PCNX2: variants seen among roughly 807,000 people sequenced by gnomAD.
PCNX2 encodes the protein pecanex-like protein 2.
In PCNX2, 168 loss-of-function variants were observed where a neutral mutation model predicts 223.8. The ratio of observed to expected loss-of-function variants is 0.75; its 90% CI spans 0.66 to 0.85. The LOEUF is 0.85. PCNX2 is among the 40% of genes least tolerant of loss of function. The pLI is 0.00. For missense variants in PCNX2, 2,507 were observed against 2,675.5 expected, an observed-to-expected ratio of 0.94 and a Z score of 1.39; for synonymous variants, 1,006 against 1,052.6, an observed-to-expected ratio of 0.96 and a Z score of 0.86.
intron 17 of PCNX2, among the ~76,000 whole-genome samples, chr1:233,176,728 T>G (rs2002476): frequency 0.059 from 8,924 of 152,228 alleles, 514 homozygotes; most frequent in East Asian, 0.31. Context: ...ATCAAGATGC[T>G]CTAGGCTGGG....
chr1:233,003,992 G>C (rs1670186996), intron 28 of PCNX2, among the ~76,000 whole-genome samples: 1 of 152,078 alleles, frequency 6.6e-6, no homozygotes, highest in Non-Finnish European at 1.5e-5. Flanking sequence ...TCACACACCG[G>C]GGCCTGTTGG....
At position 233,149,381 on chromosome 1, in the gene PCNX2, C is replaced by T. The variant is rs139274095; in HGVS notation, c.3518-9526G>A. Among the ~76,000 whole-genome samples, 264 of 152,268 alleles carry T rather than the reference C, an allele frequency of 1.7e-3. 1 individual carries two copies. The highest frequency in any genetic ancestry group is 6.1e-3 in the African/African-American group (253 of 41,562). On this transcript the variant is annotated intron_variant, in intron 19 of 33. Transcript: ENST00000258229. Reference sequence around the variant, plus strand: ...TTCAGCTTTAGAAAGAAAATCTTCACCAATTCAAACCTTGAATTAGGATTT... The same window carrying T: ...TTCAGCTTTAGAAAGAAAATCTTCATCAATTCAAACCTTGAATTAGGATTT...
intron 1 of PCNX2, chr1:233,290,899 C>T: frequency 1.0e-6 from 1 of 985,406 alleles, no homozygotes; most frequent in Non-Finnish European, 1.2e-6. Context: ...ACATATATGC[C>T]AGGCCTGGAA....
intron 25 of PCNX2, among the ~76,000 whole-genome samples, chr1:233,029,290 T>A (rs1005430559): frequency 4.6e-5 from 7 of 152,220 alleles, no homozygotes; most frequent in African/African-American, 1.7e-4. Flanking sequence ...CAATTTCATA[T>A]GAGTCCTCCA....
chr1:233,269,908 C>G (rs1389550571), intron 1 of PCNX2, among the ~76,000 whole-genome samples: 1 of 152,210 alleles, frequency 6.6e-6, no homozygotes, highest in Admixed American at 6.5e-5. Flanking sequence ...AGTTCTACAA[C>G]TATTTGAAAA....
chr1:233,136,221 T>C (rs1676793261), intron 20 of PCNX2, among the ~76,000 whole-genome samples: 1 of 152,112 alleles, frequency 6.6e-6, no homozygotes, highest in African/African-American at 2.4e-5. Context: ...GGTGGGAAAA[T>C]TTCTAGAAAA....
At chr1:233,309,624 T>C in the PCNX2 span, among the ~76,000 whole-genome samples, 1 of 151,876 alleles carries the variant, frequency 6.6e-6, no homozygotes, top group Non-Finnish European at 1.5e-5. Context: ...ATGCCTGTAA[T>C]CCTGGCACTT....
rs1240764653 is a variant in PCNX2, at chr1:233,262,302, G to T, written c.360-137C>A. 11 of 1,116,516 alleles carry T rather than the reference G, an allele frequency of 9.9e-6. No individual in the cohort carries two copies. In the South Asian group the frequency reaches 1.2e-4, roughly 12 times the overall value. The allele number at this position is 1,116,516 out of a possible 1,614,324, so 69.2% of individuals were successfully genotyped here. A position where few individuals can be genotyped will look rare whatever the true frequency, so the allele number is the denominator to read the frequency against. ...CCTTACATATAAATCTTTTTTTGTTGTTGTTAAGAGACAGGGCTTCGCTCT... is the reference window on the plus strand; with the variant it reads ...CCTTACATATAAATCTTTTTTTGTTTTTGTTAAGAGACAGGGCTTCGCTCT... On this transcript the variant is annotated intron_variant, in intron 2 of 33. Transcript: ENST00000258229.
At chr1:233,192,616 A>C (rs989330260) in intron 15 of PCNX2, among the ~76,000 whole-genome samples, 3 of 150,852 alleles carry the variant, frequency 2.0e-5, no homozygotes, top group African/African-American at 7.3e-5. Context: ...CATTTACATC[A>C]AAAAAAAAGA....
At chr1:233,062,234 G>C (rs927373035) in intron 23 of PCNX2, among the ~76,000 whole-genome samples, 2 of 151,916 alleles carry the variant, frequency 1.3e-5, no homozygotes, top group African/African-American at 4.8e-5. Flanking sequence ...ATATCCCATG[G>C]GCACCTGAAA....
chr1:233,232,998 G>C lies in PCNX2; in HGVS notation c.2358+3847C>G, dbSNP rs538516435. 5.1e-6 allele frequency: 5 copies of C among 985,380 alleles called. No homozygotes were observed. In the African/African-American group the frequency reaches 8.7e-5, roughly 17 times the overall value. The allele number at this position is 985,380 out of a possible 1,614,324, so 61.0% of individuals were successfully genotyped here. ...CTGAATGAGTTGGAGACCATATCCA[G>C]GTGAGAGTAAATGGAAGCGGAAAAT... On this transcript the variant is annotated intron_variant, in intron 9 of 33. Coordinates refer to ENST00000258229, the MANE Select transcript of PCNX2 (RefSeq NM_014801.4).
intron 17 of PCNX2, among the ~76,000 whole-genome samples, chr1:233,169,875 GAA>G (rs201713336): frequency 6.9e-6 from 1 of 144,740 alleles, no homozygotes; most frequent in African/African-American, 2.5e-5. Context: ...TTTCTTGCTT[GAA>G]AAAAAAAAAT....
the PCNX2 span, among the ~76,000 whole-genome samples, chr1:233,314,810 G>A: frequency 6.6e-6 from 1 of 152,018 alleles, no homozygotes. Flanking sequence ...TTCAGGTAAG[G>A]AAATACCCCT....
At chr1:233,197,055 G>A (rs545662985) in intron 15 of PCNX2, among the ~76,000 whole-genome samples, 1 of 152,256 alleles carries the variant, frequency 6.6e-6, no homozygotes, top group South Asian at 2.1e-4. Flanking sequence ...TGACAGATTT[G>A]ATTCCAAAGA....
chr1:233,287,135 C>T (rs1181104980), intron 1 of PCNX2, among the ~76,000 whole-genome samples: 4 of 152,128 alleles, frequency 2.6e-5, no homozygotes, highest in Admixed American at 6.5e-5. Flanking sequence ...ACACTCAGGA[C>T]CCCTTACATT....
At chr1:233,275,187 T>G (rs1251379495) in intron 1 of PCNX2, among the ~76,000 whole-genome samples, 1 of 152,244 alleles carries the variant, frequency 6.6e-6, no homozygotes, top group East Asian at 1.9e-4. Context: ...CTAGGATTAA[T>G]GGCAAGATCG....
the PCNX2 span, among the ~76,000 whole-genome samples, chr1:233,316,129 G>A: frequency 2.0e-5 from 3 of 152,118 alleles, no homozygotes; most frequent in Admixed American, 1.3e-4. Context: ...CCATTTCAGC[G>A]GCCCTTGCTA....
Position 233,000,184 on chromosome 1 carries a change from G to C in PCNX2, c.5328+121C>G, listed in dbSNP as rs1670031505. On this transcript the variant is annotated intron_variant, in intron 30 of 33. Transcript: ENST00000258229. This position sits in a 1 kb window ranked among gnomAD's most constrained non-coding sequence, Gnocchi z 4.6. ...AGCGCTCCTTCCAGAACATCCCTCT[G>C]AACAGAGGATGCTGGCACAGAGACT... is the stretch of plus-strand genomic sequence containing the variant. 9.8e-7 allele frequency: 1 copy of C among 1,022,658 alleles called. No individual in the cohort carries two copies. 63.3% of individuals were successfully genotyped at this position (1,022,658 alleles called of 1,614,324 possible).
At chr1:233,048,431 G>C (rs1671892320) in intron 25 of PCNX2, among the ~76,000 whole-genome samples, 1 of 152,190 alleles carries the variant, frequency 6.6e-6, no homozygotes, top group East Asian at 1.9e-4. Flanking sequence ...CACTCAGCCT[G>C]GCCAACAGAG....
Sources: gnomAD v4.1 joint callset for allele counts (sites outside exome capture counted in the v4.1 genomes callset) on GRCh38, gnomAD v4.1.1 for gene constraint, Gnocchi (gnomAD v3.1) non-coding constraint, MANE v1.5 for transcripts, NCBI Gene and HGNC (gene_info 2026-07-23, HGNC 2026-07-21) for gene names.